Variants in PDS5B observed in about 807,000 individuals in gnomAD.
PDS5B encodes the protein sister chromatid cohesion protein PDS5 homolog B.
A neutral mutation model predicts 184.1 loss-of-function variants in PDS5B; 51 were observed. That is an observed-to-expected ratio of 0.28 (90% CI 0.22 to 0.35). The LOEUF is 0.35. Among genes scored for constraint, PDS5B ranks in the 10% least tolerant of loss-of-function variants. The pLI, the probability that PDS5B is intolerant of heterozygous loss-of-function variation, is 1.00. For synonymous variants in PDS5B, 566 were observed against 569.2 expected (o/e 0.99, Z 0.08); for missense variants, 1,180 against 1,723.3 (o/e 0.68, Z 5.58).
intron 14 of PDS5B, 105 bp from the exon 15 acceptor site, chr13:32,696,749 G>T: frequency 4.0e-6 from 3 of 748,874 alleles, no homozygotes; most frequent in Non-Finnish European, 7.1e-6. Flanking sequence ...TAAGAGCATG[G>T]GTCTGCAGCA....
chr13:32,671,671 T>C (rs1247588597), intron 7 of PDS5B, among the ~76,000 whole-genome samples: 1 of 152,138 alleles, frequency 6.6e-6, no homozygotes, highest in Non-Finnish European at 1.5e-5. Context: ...TCTGGTCTGA[T>C]TCATAGACCT....
intron 7 of PDS5B, among the ~76,000 whole-genome samples, chr13:32,668,369 A>G (rs892876961): frequency 3.3e-5 from 5 of 152,186 alleles, no homozygotes; most frequent in African/African-American, 1.2e-4. Context: ...AAAAGGAACA[A>G]TTGTAATAAA....
At chr13:32,600,144 G>T (rs1471028442) in intron 1 of PDS5B, among the ~76,000 whole-genome samples, 5 of 152,112 alleles carry the variant, frequency 3.3e-5, no homozygotes, top group African/African-American at 1.2e-4. Context: ...TATCTGCCAA[G>T]ATTCCCCATT....
At chr13:32,655,374 A>ATATATATAT in intron 3 of PDS5B, among the ~76,000 whole-genome samples, 1 of 72,466 alleles carries the variant, frequency 1.4e-5, no homozygotes. Context: ...ATATATATAT[A>ATATATATAT]TTTTTTTTTT....
At position 32,759,694 on chromosome 13, in the gene PDS5B, T is replaced by C. The variant is rs1023038990; in HGVS notation, c.3372+4T>C. ...ATCATTTTTCACTCCTGGAAAAGTA[T>C]GTTTTGAGAATCATTTTAATTTTTA... On this transcript the variant is annotated splice_donor_region_variant and intron_variant, in intron 29 of 34. Coordinates refer to ENST00000315596, the MANE Select transcript of PDS5B (RefSeq NM_015032.4). The C allele has an allele frequency of 3.3e-6, 5 of 1,505,042 alleles. No homozygotes were observed. The highest frequency in any genetic ancestry group is 2.3e-5 in the East Asian group (1 of 43,922). The allele number at this position is 1,505,042 out of a possible 1,614,324, so 93.2% of individuals were successfully genotyped here.
chr13:32,672,119 T>C (rs1008017034), intron 7 of PDS5B, among the ~76,000 whole-genome samples: 3 of 152,164 alleles, frequency 2.0e-5, no homozygotes, highest in Non-Finnish European at 4.4e-5. Flanking sequence ...ATTAGTGTTG[T>C]AAACCGTGTA....
chr13:32,679,588 A>G (rs1372554896), intron 10 of PDS5B, among the ~76,000 whole-genome samples: 1 of 151,998 alleles, frequency 6.6e-6, no homozygotes, highest in African/African-American at 2.4e-5. Flanking sequence ...GTGAGCTGAG[A>G]TTGTGCCATT....
chr13:32,758,087 A>ATT lies in PDS5B; in HGVS notation c.3058_3059insTT (p.Cys1020PhefsTer10). On this transcript the variant is annotated frameshift_variant and splice_region_variant, in exon 27 of 35. Coordinates refer to ENST00000315596, the MANE Select transcript of PDS5B (RefSeq NM_015032.4). LOFTEE classifies it high-confidence loss of function. ...CTTTTTTCCTTTTTTTTTTTTTTAG[A>ATT]TGTCTTTGGTTTGTTCTGGAAATAT... The ATT allele has an allele frequency of 8.8e-7, 1 of 1,136,336 alleles. No homozygotes were observed. Among genetic ancestry groups the ATT allele is most frequent in the Non-Finnish European group, 1.2e-6 (1 of 851,320 alleles). The allele number at this position is 1,136,336 out of a possible 1,614,324, so 70.4% of individuals were successfully genotyped here. A position where few individuals can be genotyped will look rare whatever the true frequency, so the allele number is the denominator to read the frequency against.
intron 25 of PDS5B, among the ~76,000 whole-genome samples, chr13:32,754,429 G>T (rs539491528): frequency 6.6e-6 from 1 of 152,026 alleles, no homozygotes; most frequent in East Asian, 1.9e-4. Flanking sequence ...TGAAATTTGT[G>T]TAACAGTCTT....
At chr13:32,735,515 A>G (rs1294636853) in intron 21 of PDS5B, among the ~76,000 whole-genome samples, 185 bp downstream of exon 21, 2 of 152,168 alleles carry the variant, frequency 1.3e-5, no homozygotes, top group African/African-American at 4.8e-5. Flanking sequence ...ACATCTTTTT[A>G]GTTGAGAATA....
intron 13 of PDS5B, 119 bp downstream of exon 13, chr13:32,688,688 T>C (rs1460064588): frequency 4.2e-6 from 3 of 708,352 alleles, no homozygotes. Context: ...AAACATTGTT[T>C]AAAGGGTTAT....
intron 30 of PDS5B, among the ~76,000 whole-genome samples, chr13:32,761,666 A>G (rs183095973): frequency 1.1e-4 from 16 of 152,236 alleles, no homozygotes; most frequent in Non-Finnish European, 2.4e-4. Flanking sequence ...GTAGTATTCC[A>G]TGGTATATAT....
At chr13:32,716,840 GT>G (rs1566365343) in intron 19 of PDS5B, among the ~76,000 whole-genome samples, 1 of 83,294 alleles carries the variant, frequency 1.2e-5, no homozygotes, top group Non-Finnish European at 3.3e-5. Context: ...TGGGAGGGAG[GT>G]TGGGGGGTCA....
chr13:32,675,720 AT>A, intron 8 of PDS5B, 123 bp from the exon 9 acceptor site: 2 of 556,642 alleles, frequency 3.6e-6, no homozygotes, highest in East Asian at 5.5e-5. Context: ...GTAATTTTTC[AT>A]TTAGAGTTCA....
chr13:32,684,506 TC>T (rs1951332464), intron 11 of PDS5B, among the ~76,000 whole-genome samples: 1 of 152,224 alleles, frequency 6.6e-6, no homozygotes, highest in Non-Finnish European at 1.5e-5. Flanking sequence ...TAGCCTATTT[TC>T]TGTGTCCTCA....
chr13:32,586,963 T>G, intron 1 of PDS5B, among the ~76,000 whole-genome samples: 1 of 137,052 alleles, frequency 7.3e-6, no homozygotes, highest in Non-Finnish European at 1.6e-5. Context: ...GGCGGGGGTC[T>G]CGGGGCCGCC....
chr13:32,767,945 A>G (rs1954636794), intron 31 of PDS5B, among the ~76,000 whole-genome samples: 1 of 152,244 alleles, frequency 6.6e-6, no homozygotes, highest in African/African-American at 2.4e-5. Flanking sequence ...ATGATAGCCC[A>G]GAAATATTAT....
intron 3 of PDS5B, among the ~76,000 whole-genome samples, 189 bp from the exon 4 acceptor site, chr13:32,658,050 G>T (rs1459831562): frequency 6.6e-6 from 1 of 152,118 alleles, no homozygotes; most frequent in African/African-American, 2.4e-5. Flanking sequence ...ATGAAGGATA[G>T]TAAGATATTT....
In PDS5B at chr13:32,775,003, A is replaced by C; in HGVS notation, c.4309-14A>C. 6.2e-7 allele frequency: 1 copy of C among 1,610,814 alleles called. No individual in the cohort carries two copies. The highest frequency in any genetic ancestry group is 1.3e-5 in the African/African-American group (1 of 74,796). On this transcript the variant is annotated splice_polypyrimidine_tract_variant and intron_variant, in intron 34 of 34. Transcript: ENST00000315596. ...ACCCATTTTAATTAAGCATCTGGTG[A>C]CTTTCCTTTTAAGGTACGGCGGCGA... is the stretch of plus-strand genomic sequence containing the variant.
Sources: gnomAD v4.1 joint callset for allele counts (sites outside exome capture counted in the v4.1 genomes callset) on GRCh38, gnomAD v4.1.1 for gene constraint, MANE v1.5 for transcripts, NCBI Gene and HGNC (gene_info 2026-07-23, HGNC 2026-07-21) for gene names.